The following HPRT1 variants were observed in gnomAD, a reference collection of about 807,000 sequenced individuals.
The protein encoded by HPRT1 is hypoxanthine-guanine phosphoribosyltransferase.
HPRT1 carries 4 observed loss-of-function variants against 19.0 expected under a neutral mutation model. The observed-to-expected ratio is 0.21, with a 90% CI of 0.10 to 0.48. The LOEUF (loss-of-function observed/expected upper bound fraction) is 0.48, where lower values mean the gene tolerates loss of function less well. Ranked by LOEUF, HPRT1 falls within the 20% of genes least tolerant of loss-of-function variation. The pLI is 0.98. For synonymous variants in HPRT1, 53 were observed against 54.9 expected (o/e 0.97, Z 0.15); for missense variants, 65 against 164.0 (o/e 0.40, Z 3.30).
chrX:134,460,476 C>T, intron 1 of HPRT1, 138 bp downstream of exon 1: 1 of 430,795 alleles, frequency 2.3e-6, no homozygotes, highest in Non-Finnish European at 3.3e-6. Flanking sequence ...CGGCCAGTTT[C>T]CCGGGTTCGG....
At chrX:134,473,535 G>A (rs2077616058) in intron 2 of HPRT1, 70 bp downstream of exon 2, 1 of 629,603 alleles carries the variant, frequency 1.6e-6, no homozygotes, top group Admixed American at 2.3e-5. Flanking sequence ...CAGCTGTTCT[G>A]AGTACTTGCT....
chrX:134,488,467 G>A lies in HPRT1; in HGVS notation c.385-1721G>A, dbSNP rs773645381. Among the ~76,000 whole-genome samples, 8 of 110,743 alleles carry A rather than the reference G, an allele frequency of 7.2e-5. No individual in the cohort carries two copies. The South Asian group carries it at 3.1e-3, about 43-fold the overall frequency. ...TTGTCTTTTGGGGGTATTTTTGTGTGCAGATATATATGTATATAAATATTT... is the reference window on the plus strand; with the variant it reads ...TTGTCTTTTGGGGGTATTTTTGTGTACAGATATATATGTATATAAATATTT... On this transcript the variant is annotated intron_variant, in intron 4 of 8. Transcript: ENST00000298556.
At chrX:134,488,564 T>TA (rs1310040355) in intron 4 of HPRT1, among the ~76,000 whole-genome samples, 1 of 111,883 alleles carries the variant, frequency 8.9e-6, no homozygotes, top group African/African-American at 3.2e-5. Context: ...AAGTCTCTAA[T>TA]ACCACTTCTT....
chrX:134,492,787 AT>A (rs1023138978), intron 5 of HPRT1, among the ~76,000 whole-genome samples: 9 of 108,818 alleles, frequency 8.3e-5, no homozygotes, highest in African/African-American at 1.3e-4. Context: ...GGAGGCAGGA[AT>A]TTTTTTTTTC....
At chrX:134,479,559 C>A (rs72615439) in intron 3 of HPRT1, among the ~76,000 whole-genome samples, 12 of 111,187 alleles carry the variant, frequency 1.1e-4, no homozygotes, top group Non-Finnish European at 2.3e-4. Context: ...CGTGAGCCAC[C>A]GTGCCTGGCC....
chrX:134,481,505 C>A (rs7472760), intron 3 of HPRT1, among the ~76,000 whole-genome samples: 189 of 96,171 alleles, frequency 2.0e-3, no homozygotes, highest in African/African-American at 6.7e-3. Flanking sequence ...ATCTGTCTAT[C>A]TCTATCTATC....
intron 5 of HPRT1, 58 bp from the exon 6 acceptor site, chrX:134,493,450 T>G: frequency 1.2e-6 from 1 of 811,673 alleles, no homozygotes; most frequent in Non-Finnish European, 1.9e-6. Context: ...ATGGGGGTTT[T>G]GGTACTTTAT....
At chrX:134,479,872 G>C (rs2077634748) in intron 3 of HPRT1, among the ~76,000 whole-genome samples, 1 of 111,239 alleles carries the variant, frequency 9.0e-6, no homozygotes, top group Non-Finnish European at 1.9e-5. Flanking sequence ...GCTTCCCTAA[G>C]TGAAATTACA....
At chrX:134,475,114 AAG>A in intron 2 of HPRT1, 65 bp from the exon 3 acceptor site, 1 of 867,080 alleles carries the variant, frequency 1.2e-6, no homozygotes, top group Non-Finnish European at 1.7e-6. Context: ...TTTAATGACT[AAG>A]AGGTGTTTGT....
At chrX:134,498,513 T>C in intron 7 of HPRT1, 77 bp downstream of exon 7, 1 of 1,019,186 alleles carries the variant, frequency 9.8e-7, no homozygotes, top group Non-Finnish European at 1.4e-6. Context: ...GGCTTATAAT[T>C]GCTTAGAGAA....
At chrX:134,486,833 A>AC (rs1371112898) in intron 4 of HPRT1, among the ~76,000 whole-genome samples, 4 of 109,007 alleles carry the variant, frequency 3.7e-5, no homozygotes, top group Non-Finnish European at 7.6e-5. Flanking sequence ...AAAAAAAAAA[A>AC]ACAAACCTAT....
intron 1 of HPRT1, among the ~76,000 whole-genome samples, chrX:134,460,887 G>T (rs2077581872): frequency 9.0e-6 from 1 of 111,347 alleles, no homozygotes; most frequent in African/African-American, 3.3e-5. Context: ...CCCCACTACA[G>T]CTCTGGTAGC....
intron 1 of HPRT1, 43 bp from the exon 2 acceptor site, chrX:134,473,316 A>G (rs1355873367): frequency 3.8e-6 from 3 of 780,316 alleles, no homozygotes; most frequent in Non-Finnish European, 6.0e-6. Context: ...AAATGTTTGT[A>G]TCCTGTAATG....
At chrX:134,499,898 A>G (rs994753933) in intron 8 of HPRT1, 132 bp from the exon 9 acceptor site, 47 of 491,412 alleles carry the variant, frequency 9.6e-5, no homozygotes, top group African/African-American at 9.3e-4. Context: ...TACTGATCTA[A>G]AATACAGTAG....
intron 5 of HPRT1, among the ~76,000 whole-genome samples, chrX:134,492,253 G>A (rs932519844): frequency 9.3e-6 from 1 of 107,155 alleles, no homozygotes; most frequent in Non-Finnish European, 1.9e-5. Context: ...GAATACCTAC[G>A]TACCCACAAA....
intron 1 of HPRT1, among the ~76,000 whole-genome samples, chrX:134,466,192 G>C (rs1788518350): frequency 9.1e-6 from 1 of 110,494 alleles, no homozygotes; most frequent in African/African-American, 3.3e-5. Flanking sequence ...GGCCAAGGTG[G>C]GTGGATCACG....
intron 3 of HPRT1, among the ~76,000 whole-genome samples, 159 bp from the exon 4 acceptor site, chrX:134,486,304 CAT>C (rs1393103103): frequency 9.0e-6 from 1 of 110,764 alleles, no homozygotes; most frequent in Non-Finnish European, 1.9e-5. Context: ...TCTTATAATT[CAT>C]ATCATTTAGA....
At position 134,471,893 on chromosome X, in the gene HPRT1, C is replaced by T. The variant is rs17884978; in HGVS notation, c.28-1466C>T. 3.0e-3 allele frequency among the ~76,000 whole-genome samples: 336 copies of T among 112,017 alleles called. 1 individual carries two copies. The highest frequency in any genetic ancestry group is 0.012 in the South Asian group (33 of 2,707). On this transcript the variant is annotated intron_variant, in intron 1 of 8. Coordinates refer to ENST00000298556, the MANE Select transcript of HPRT1 (RefSeq NM_000194.3). ...ACCTCAGGTGATACGCCCACCTGGG[C>T]CTCCCAAAATACTGGGATTACAGGC...
At chrX:134,463,997 C>G in intron 1 of HPRT1, among the ~76,000 whole-genome samples, 1 of 111,373 alleles carries the variant, frequency 9.0e-6, no homozygotes, top group Non-Finnish European at 1.9e-5. Context: ...CTTCTGATAA[C>G]TGATAAGTAT....
Sources: allele counts gnomAD v4.1 joint callset (sites outside exome capture counted in the v4.1 genomes callset), GRCh38; gene constraint gnomAD v4.1.1; transcripts MANE v1.5; gene names NCBI Gene and HGNC (gene_info 2026-07-23, HGNC 2026-07-21).